Variants in FBXW4 observed in about 807,000 individuals in gnomAD.
FBXW4 encodes F-box/WD repeat-containing protein 4.
In FBXW4, 40 loss-of-function variants were observed where a neutral mutation model predicts 61.8. The ratio of observed to expected loss-of-function variants is 0.65; its 90% CI spans 0.50 to 0.84. FBXW4 has a LOEUF of 0.84. Ranked by LOEUF, FBXW4 falls within the 40% of genes least tolerant of loss-of-function variation. The pLI is 0.00. For missense variants in FBXW4, 672 were observed against 753.8 expected (o/e 0.89, Z 1.27); for synonymous variants, 311 against 313.8 (o/e 0.99, Z 0.10).
rs183225106 is a variant in FBXW4, at chr10:101,688,552, T to C, written c.725+5829A>G. 9.8e-4 allele frequency among the ~76,000 whole-genome samples: 149 copies of C among 152,358 alleles called. 2 individuals are homozygous for C. Among genetic ancestry groups the C allele is most frequent in the Non-Finnish European group, 1.2e-4 (8 of 68,036 alleles). On this transcript the variant is annotated intron_variant, in intron 1 of 8. Coordinates refer to ENST00000331272, the MANE Select transcript of FBXW4 (RefSeq NM_022039.4). ...TTCTCCAGATAGTCTCATACTCATT[T>C]TTAGAGAAAGCTCAAATATTTACAT...
chr10:101,638,942 C>T (rs531805993), intron 5 of FBXW4, among the ~76,000 whole-genome samples: 49 of 152,284 alleles, frequency 3.2e-4, no homozygotes, highest in African/African-American at 1.2e-3. Flanking sequence ...ATGAATTATA[C>T]ACAGTAGGAC....
intron 5 of FBXW4, 25 bp from the exon 6 acceptor site, chr10:101,624,835 T>C (rs1283155584): frequency 5.6e-6 from 9 of 1,613,792 alleles, no homozygotes; most frequent in Non-Finnish European, 7.6e-6. Flanking sequence ...GAGAACAAAG[T>C]CAGATCTGGC....
rs141998785 is a variant in FBXW4 at position 101,613,706 on chromosome 10, C to T, written c.1302-1229G>A. On this transcript the variant is annotated intron_variant, in intron 6 of 8. Coordinates refer to ENST00000331272, the MANE Select transcript of FBXW4 (RefSeq NM_022039.4). The stretch of plus-strand genomic sequence containing the variant: ...CTCCCCAACAGAGCTGCCATCTTCC[C>T]GAAGGCCGAAGGAATCAAAGGAGGA... Among the ~76,000 whole-genome samples the T allele has an allele frequency of 9.0e-3, 1,371 of 152,326 alleles. 15 individuals are homozygous for T. The highest frequency in any genetic ancestry group is 0.026 in the South Asian group (126 of 4,822).
At chr10:101,665,904 C>T (rs2064294845) in intron 5 of FBXW4, among the ~76,000 whole-genome samples, 1 of 152,134 alleles carries the variant, frequency 6.6e-6, no homozygotes, top group African/African-American at 2.4e-5. Flanking sequence ...AGGAAGCGCA[C>T]AGACCATCTC....
chr10:101,612,584 A>G, intron 6 of FBXW4, 107 bp from the exon 7 acceptor site: 1 of 1,251,162 alleles, frequency 8.0e-7, no homozygotes, highest in East Asian at 2.8e-5. Context: ...TTCCTCAGCT[A>G]GAATGAGACT....
At chr10:101,678,001 G>A (rs1361061108) in intron 1 of FBXW4, among the ~76,000 whole-genome samples, 3 of 152,090 alleles carry the variant, frequency 2.0e-5, no homozygotes, top group Non-Finnish European at 4.4e-5. Flanking sequence ...AGCAAATACA[G>A]CCAAATATTA....
intron 5 of FBXW4, among the ~76,000 whole-genome samples, chr10:101,632,322 T>C (rs2063965474): frequency 6.6e-6 from 1 of 152,154 alleles, no homozygotes; most frequent in Non-Finnish European, 1.5e-5. Flanking sequence ...CTGGAGCTCT[T>C]ACTGCTTGCT....
chr10:101,641,429 C>A (rs2064052281), intron 5 of FBXW4, among the ~76,000 whole-genome samples: 1 of 152,156 alleles, frequency 6.6e-6, no homozygotes, highest in South Asian at 2.1e-4. Flanking sequence ...CCCCAAGCAA[C>A]TCCTTTGTTA....
chr10:101,673,886 G>A (rs1205336962), intron 2 of FBXW4, among the ~76,000 whole-genome samples: 1 of 152,034 alleles, frequency 6.6e-6, no homozygotes, highest in Non-Finnish European at 1.5e-5. Context: ...AAACTTCCCT[G>A]GACTTTGTAA....
At chr10:101,668,386 G>A (rs747530899) in intron 4 of FBXW4, among the ~76,000 whole-genome samples, 6 of 152,196 alleles carry the variant, frequency 3.9e-5, no homozygotes, top group Non-Finnish European at 7.3e-5. Context: ...GAAGTAGGGA[G>A]AGGGAAGAAG....
chr10:101,612,231 A>T (rs2063792730), intron 7 of FBXW4, 106 bp downstream of exon 7: 1 of 1,266,228 alleles, frequency 7.9e-7, no homozygotes. Flanking sequence ...CCCAGCCCTG[A>T]CATGGAGTCT....
intron 5 of FBXW4, among the ~76,000 whole-genome samples, chr10:101,654,119 TAA>T (rs60568785): frequency 5.9e-5 from 7 of 118,294 alleles, no homozygotes; most frequent in African/African-American, 1.6e-4. Context: ...GACTCCGTCT[TAA>T]AAAAAAAAAA....
intron 5 of FBXW4, among the ~76,000 whole-genome samples, chr10:101,647,707 G>T (rs1271130102): frequency 6.6e-6 from 1 of 152,152 alleles, no homozygotes; most frequent in Admixed American, 6.5e-5. Context: ...CCTTTCAGAA[G>T]AATGATAAGA....
Position 101,679,798 on chromosome 10 carries a change from T to G in FBXW4, c.726-3362A>C, listed in dbSNP as rs2064452966. On this transcript the variant is annotated intron_variant, in intron 1 of 8. Transcript: ENST00000331272. ...GGTTTTTGGTTACATGGATGAATTG[T>G]ACAATGATGAAGTCTGGACTTTTAG... Among the ~76,000 whole-genome samples the G allele has an allele frequency of 2.6e-5, 4 of 152,320 alleles. No homozygotes were observed. The South Asian group carries it at 8.3e-4, about 32-fold the overall frequency.
Position 101,611,426 on chromosome 10 carries a change from C to A in FBXW4, c.1585-16G>T. ...GCGGGAAGGCCTGGAAGGGAGGGCACAGGAAGTGGTAAGAGCTTTCCAAGT... is the reference window on the plus strand; with the variant it reads ...GCGGGAAGGCCTGGAAGGGAGGGCAAAGGAAGTGGTAAGAGCTTTCCAAGT... On this transcript the variant is annotated splice_polypyrimidine_tract_variant and intron_variant, in intron 8 of 8. Transcript: ENST00000331272. The surrounding 1 kb of genome is among the most constrained non-coding windows in gnomAD (Gnocchi z 4.9). 1.2e-6 allele frequency: 2 copies of A among 1,610,744 alleles called. No homozygotes were observed. Among genetic ancestry groups the A allele is most frequent in the Non-Finnish European group, 1.7e-6 (2 of 1,178,416 alleles).
At chr10:101,678,552 A>G (rs1397391834) in intron 1 of FBXW4, among the ~76,000 whole-genome samples, 1 of 152,184 alleles carries the variant, frequency 6.6e-6, no homozygotes, top group Non-Finnish European at 1.5e-5. Context: ...CAGTCTCCTA[A>G]GAAGCTGGGA....
chr10:101,684,090 A>T (rs761642562), intron 1 of FBXW4, among the ~76,000 whole-genome samples: 1 of 152,152 alleles, frequency 6.6e-6, no homozygotes, highest in Non-Finnish European at 1.5e-5. Flanking sequence ...CAGCCTCCCA[A>T]GTAGCTGGGA....
chr10:101,695,005 C>A lies in FBXW4; in HGVS notation c.101G>T (p.Gly34Val), dbSNP rs2064661631. Residue 34 changes from glycine (G) to valine (V), a missense_variant, in exon 1 of 9, where the codon GGG becomes GTG. Gly to Val is a moderately radical substitution (Grantham distance 109). Around this residue, in one of 5 missense-constraint regions of FBXW4, gnomAD observed 38 missense variants for 43.3 expected, o/e 0.88. Coordinates refer to ENST00000331272, the MANE Select transcript of FBXW4 (RefSeq NM_022039.4). The surrounding 1 kb of genome is among the most constrained non-coding windows in gnomAD (Gnocchi z 4.2). ...CTTCCCCTTCCCCTTCCTTCGCTTC[C>A]CCCTCGCCACCCTCCCTTCCTGCAG... ...RKLQEGRVAR[G>V]KRRKGKGKGK... is the part of the protein sequence containing the mutation. 9.1e-7 allele frequency: 1 copy of A among 1,096,358 alleles called. No homozygotes were observed. The allele number at this position is 1,096,358 out of a possible 1,614,324, so 67.9% of individuals were successfully genotyped here.
At chr10:101,639,585 C>A (rs1015064797) in intron 5 of FBXW4, among the ~76,000 whole-genome samples, 4 of 152,356 alleles carry the variant, frequency 2.6e-5, no homozygotes, top group African/African-American at 9.6e-5. Flanking sequence ...CATGTTCTTA[C>A]ATGACTTTCC....
Sources: gnomAD v4.1 joint callset for allele counts (sites outside exome capture counted in the v4.1 genomes callset) on GRCh38, gnomAD v4.1.1 for gene constraint, gnomAD v4.1.1 regional missense constraint, Gnocchi (gnomAD v3.1) non-coding constraint, MANE v1.5 for transcripts, NCBI Gene and HGNC (gene_info 2026-07-23, HGNC 2026-07-21) for gene names.